The following CPEB3 variants were observed in gnomAD, a reference collection of about 807,000 sequenced individuals.
CPEB3 encodes cytoplasmic polyadenylation element binding protein 3, also known as cytoplasmic polyadenylation element-binding protein 3.
Under a neutral mutation model 67.2 loss-of-function variants are expected in CPEB3, and 20 were observed. The observed-to-expected ratio is 0.30, with a 90% CI of 0.21 to 0.43. The LOEUF (loss-of-function observed/expected upper bound fraction) is 0.43, where lower values mean the gene tolerates loss of function less well. Among genes scored for constraint, CPEB3 ranks in the 20% least tolerant of loss-of-function variants. The pLI is 1.00. For synonymous variants in CPEB3, 376 were observed against 393.1 expected (o/e 0.96, Z 0.51); for missense variants, 746 against 968.6 (o/e 0.77, Z 3.05).
At chr10:92,191,818 T>C (rs1564852019) in intron 3 of CPEB3, among the ~76,000 whole-genome samples, 1 of 152,220 alleles carries the variant, frequency 6.6e-6, no homozygotes, top group African/African-American at 2.4e-5. Context: ...AAAAGAACTA[T>C]CTGTAATTAT....
intron 4 of CPEB3, among the ~76,000 whole-genome samples, chr10:92,151,283 C>T (rs1344095922): frequency 6.6e-6 from 1 of 152,180 alleles, no homozygotes; most frequent in African/African-American, 2.4e-5. Flanking sequence ...CTCCAGGGTA[C>T]CTCTGGCCCA....
chr10:92,241,716 G>A (rs759754370), intron 1 of CPEB3, among the ~76,000 whole-genome samples: 4 of 152,008 alleles, frequency 2.6e-5, no homozygotes, highest in African/African-American at 4.8e-5. Flanking sequence ...CTCAAAACCC[G>A]GAGACTGCCA....
intron 6 of CPEB3, among the ~76,000 whole-genome samples, chr10:92,112,980 T>C (rs1844826544): frequency 6.6e-6 from 1 of 152,238 alleles, no homozygotes; most frequent in African/African-American, 2.4e-5. Context: ...CAATGGATAA[T>C]GGCTATTCGT....
intron 3 of CPEB3, among the ~76,000 whole-genome samples, chr10:92,181,422 TAGAG>T (rs993802312): frequency 6.8e-6 from 1 of 146,246 alleles, no homozygotes; most frequent in Admixed American, 6.8e-5. Flanking sequence ...ATTTGAAGCT[TAGAG>T]AGAATAAAAA....
chr10:92,161,446 T>C (rs1160244793), intron 4 of CPEB3, among the ~76,000 whole-genome samples: 1 of 152,076 alleles, frequency 6.6e-6, no homozygotes, highest in Non-Finnish European at 1.5e-5. Context: ...TAATTTTTTG[T>C]ATTTTTAGTA....
At chr10:92,097,007 C>A (rs1314816102) in intron 7 of CPEB3, among the ~76,000 whole-genome samples, 1 of 152,084 alleles carries the variant, frequency 6.6e-6, no homozygotes, top group African/African-American at 2.4e-5. Context: ...AGCTTTTGGG[C>A]CATGCCATGT....
chr10:92,273,272 T>C (rs1402579191), intron 1 of CPEB3, among the ~76,000 whole-genome samples: 1 of 152,208 alleles, frequency 6.6e-6, no homozygotes, highest in African/African-American at 2.4e-5. Flanking sequence ...TTGTCTCTTC[T>C]GTTAAACTGT....
chr10:92,202,179 C>T (rs1338492104), intron 2 of CPEB3, among the ~76,000 whole-genome samples: 1 of 152,052 alleles, frequency 6.6e-6, no homozygotes, highest in East Asian at 1.9e-4. Flanking sequence ...TGCAAAATGG[C>T]ACAGCCACTT....
chr10:92,253,287 C>A (rs572153320), intron 1 of CPEB3, among the ~76,000 whole-genome samples: 3 of 151,596 alleles, frequency 2.0e-5, no homozygotes, highest in African/African-American at 4.8e-5. Flanking sequence ...TGGTGAAATG[C>A]CATCTCTACT....
chr10:92,060,004 A>G (rs2134304090), intron 9 of CPEB3, among the ~76,000 whole-genome samples: 1 of 152,068 alleles, frequency 6.6e-6, no homozygotes, highest in African/African-American at 2.4e-5. Flanking sequence ...GATAAAAACC[A>G]TATTATCATT....
intron 2 of CPEB3, among the ~76,000 whole-genome samples, chr10:92,232,228 GT>G (rs1276620742): frequency 2.2e-5 from 3 of 137,202 alleles, no homozygotes; most frequent in Non-Finnish European, 3.2e-5. Context: ...AATATTTGTA[GT>G]TTTTTAGTAG....
In CPEB3 at chr10:92,064,984, C is replaced by T. The variant is rs139992849; in HGVS notation, c.1870-12545G>A. The stretch of plus-strand genomic sequence containing the variant: ...GGTTACTTCGAGAAATCAGACCATA[C>T]AAAGTAGTTATCAATGATAAAGAGA... On this transcript the variant is annotated intron_variant, in intron 9 of 9. Transcript: ENST00000265997. Among the ~76,000 whole-genome samples the T allele has an allele frequency of 8.6e-3, 1,314 of 152,208 alleles. 22 individuals are homozygous for T. The highest frequency in any genetic ancestry group is 0.03 in the African/African-American group (1,226 of 41,540).
At chr10:92,206,111 G>A (rs1849776250) in intron 2 of CPEB3, among the ~76,000 whole-genome samples, 1 of 149,920 alleles carries the variant, frequency 6.7e-6, no homozygotes, top group African/African-American at 2.5e-5. Context: ...AGTTTCGCTG[G>A]TCCAAGCTGG....
intron 1 of CPEB3, among the ~76,000 whole-genome samples, chr10:92,268,205 T>C (rs1361791843): frequency 6.6e-6 from 1 of 152,220 alleles, no homozygotes; most frequent in African/African-American, 2.4e-5. Flanking sequence ...TATAGATATT[T>C]GAACTTTTGA....
intron 5 of CPEB3, among the ~76,000 whole-genome samples, chr10:92,144,491 C>T (rs1846586519): frequency 6.6e-6 from 1 of 152,082 alleles, no homozygotes; most frequent in African/African-American, 2.4e-5. Context: ...GTCTTGAACC[C>T]CTGGGCTCAA....
intron 9 of CPEB3, among the ~76,000 whole-genome samples, chr10:92,080,993 T>C (rs1843130462): frequency 6.6e-6 from 1 of 152,192 alleles, no homozygotes; most frequent in South Asian, 2.1e-4. Flanking sequence ...AAGAGCACTG[T>C]GTAGGTCAAG....
chr10:92,269,778 G>A (rs759538288), intron 1 of CPEB3, among the ~76,000 whole-genome samples: 2 of 152,004 alleles, frequency 1.3e-5, no homozygotes, highest in Non-Finnish European at 2.9e-5. Flanking sequence ...GGCTAGTCTT[G>A]AACTCCTGAC....
intron 2 of CPEB3, among the ~76,000 whole-genome samples, chr10:92,202,427 C>T (rs2134253737): frequency 6.7e-6 from 1 of 149,542 alleles, no homozygotes; most frequent in African/African-American, 2.5e-5. Context: ...CAAATTTTGG[C>T]ACATGCATAT....
intron 4 of CPEB3, among the ~76,000 whole-genome samples, chr10:92,155,594 T>C (rs1847169490): frequency 2.0e-5 from 3 of 152,366 alleles, no homozygotes; most frequent in South Asian, 4.1e-4. Flanking sequence ...ATTGAAAGCA[T>C]GGACAAAACA....
Sources: allele counts gnomAD v4.1 joint callset (sites outside exome capture counted in the v4.1 genomes callset), GRCh38; gene constraint gnomAD v4.1.1; transcripts MANE v1.5; gene names NCBI Gene and HGNC (gene_info 2026-07-23, HGNC 2026-07-21).